Variants in ADAMTS17 observed in about 807,000 individuals in gnomAD.
The protein encoded by ADAMTS17 is A disintegrin and metalloproteinase with thrombospondin motifs 17.
Under a neutral mutation model 141.5 loss-of-function variants are expected in ADAMTS17, and 113 were observed. That is an observed-to-expected ratio of 0.80 (90% confidence interval 0.69 to 0.93). ADAMTS17 has a LOEUF of 0.93. Among genes scored for constraint, ADAMTS17 ranks in the 40% least tolerant of loss-of-function variants. The pLI, the probability that ADAMTS17 is intolerant of heterozygous loss-of-function variation, is 0.00. For synonymous variants in ADAMTS17, 768 were observed against 630.6 expected (o/e 1.22, Z -3.27); for missense variants, 1,659 against 1,517.9 (o/e 1.09, Z -1.54).
chr15:100,213,599 AAACAAAACTTG>A (rs1273991901), intron 7 of ADAMTS17, among the ~76,000 whole-genome samples: 1 of 152,360 alleles, frequency 6.6e-6, no homozygotes, highest in Non-Finnish European at 1.5e-5. Flanking sequence ...ACAACTCACC[AAACAAAACTTG>A]AAGACAAGGC....
chr15:100,226,592 ACTCT>A (rs752450961), intron 7 of ADAMTS17, among the ~76,000 whole-genome samples: 136 of 152,176 alleles, frequency 8.9e-4, no homozygotes, highest in Non-Finnish European at 1.6e-3. Context: ...AAATCCTGTA[ACTCT>A]CTCACTGCAT....
At chr15:100,262,263 T>C (rs1048080654) in intron 5 of ADAMTS17, 89 bp downstream of exon 5, 3 of 1,228,010 alleles carry the variant, frequency 2.4e-6, no homozygotes, top group African/African-American at 3.0e-5. Flanking sequence ...GGCAACTCCC[T>C]GGAGCCCCGC....
intron 18 of ADAMTS17, among the ~76,000 whole-genome samples, chr15:100,006,966 C>T (rs929896512): frequency 1.3e-5 from 2 of 152,230 alleles, no homozygotes; most frequent in African/African-American, 4.8e-5. Flanking sequence ...TCAGTCTCAG[C>T]CTCTTTGTTC....
chr15:100,088,673 A>G (rs1881144255), intron 15 of ADAMTS17, among the ~76,000 whole-genome samples: 1 of 152,120 alleles, frequency 6.6e-6, no homozygotes, highest in African/African-American at 2.4e-5. Context: ...CAGAGCCCTC[A>G]GAAATAATAC....
chr15:100,041,971 G>A (rs938628786), intron 18 of ADAMTS17, among the ~76,000 whole-genome samples: 3 of 152,170 alleles, frequency 2.0e-5, no homozygotes, highest in Non-Finnish European at 4.4e-5. Flanking sequence ...ACCTTGCCAG[G>A]TTCAACAGTG....
chr15:100,207,518 T>G (rs2041621539), intron 7 of ADAMTS17, among the ~76,000 whole-genome samples: 1 of 152,194 alleles, frequency 6.6e-6, no homozygotes, highest in African/African-American at 2.4e-5. Context: ...CACACAGCAC[T>G]GCAGCCACCT....
At chr15:100,282,563 GTC>G (rs749139182) in intron 3 of ADAMTS17, among the ~76,000 whole-genome samples, 14 of 152,300 alleles carry the variant, frequency 9.2e-5, no homozygotes, top group Non-Finnish European at 1.9e-4. Flanking sequence ...TGTGAATGAG[GTC>G]TCTCTCTCAA....
intron 18 of ADAMTS17, among the ~76,000 whole-genome samples, chr15:100,015,899 T>G (rs2141423516): frequency 6.6e-6 from 1 of 152,366 alleles, no homozygotes; most frequent in African/African-American, 2.4e-5. Context: ...CTTCTTGTAT[T>G]TGGATGTCTA....
Position 100,304,243 on chromosome 15 carries a change from TCTC to T in ADAMTS17, c.617-22845_617-22843del, listed in dbSNP as rs200594280. Reference sequence around the variant, plus strand: ...GTCACATCCTTAGGGCACAACCCCTTCTCCTCCAAGCACTGGACTCCTGGCTCC... The same window carrying T: ...GTCACATCCTTAGGGCACAACCCCTTCTCCAAGCACTGGACTCCTGGCTCC... On this transcript the variant is annotated intron_variant, in intron 3 of 21. Transcript: ENST00000268070. 8.7e-3 allele frequency among the ~76,000 whole-genome samples: 1,318 copies of T among 152,184 alleles called. 16 individuals carry two copies. Among genetic ancestry groups the T allele is most frequent in the African/African-American group, 0.03 (1,259 of 41,518 alleles).
At chr15:100,293,521 C>G (rs1203828645) in intron 3 of ADAMTS17, among the ~76,000 whole-genome samples, 1 of 152,170 alleles carries the variant, frequency 6.6e-6, no homozygotes, top group African/African-American at 2.4e-5. Flanking sequence ...AATGGCAAAA[C>G]CTCTCAGAAC....
chr15:100,158,100 G>A (rs2141387865), intron 8 of ADAMTS17, among the ~76,000 whole-genome samples: 1 of 152,254 alleles, frequency 6.6e-6, no homozygotes, highest in South Asian at 2.1e-4. Flanking sequence ...TGTTGGCCAG[G>A]ATGGTCTCAA....
rs2060742206 is a variant in ADAMTS17 at position 99,993,904 on chromosome 15, T to C, written c.2797-704A>G. On this transcript the variant is annotated intron_variant, in intron 19 of 21. Coordinates refer to ENST00000268070, the MANE Select transcript of ADAMTS17 (RefSeq NM_139057.4). The surrounding 1 kb of genome is among the most constrained non-coding windows in gnomAD (Gnocchi z 4.3). Reference sequence around the variant, plus strand: ...CTGGGCAGGGCCTGGGGGTGATGAATGATGTGCCTGCCCTCAAGAGTTCAG... The same window carrying C: ...CTGGGCAGGGCCTGGGGGTGATGAACGATGTGCCTGCCCTCAAGAGTTCAG... 6.6e-6 allele frequency among the ~76,000 whole-genome samples: 1 copy of C among 151,894 alleles called. No homozygotes were observed. Among genetic ancestry groups the C allele is most frequent in the African/African-American group, 2.4e-5 (1 of 41,342 alleles).
intron 12 of ADAMTS17, among the ~76,000 whole-genome samples, chr15:100,120,255 G>C (rs146041351): frequency 2.6e-5 from 4 of 152,342 alleles, no homozygotes; most frequent in Admixed American, 2.0e-4. Flanking sequence ...GCAGCTTCCA[G>C]GGGAAAGCCA....
intron 8 of ADAMTS17, among the ~76,000 whole-genome samples, chr15:100,181,612 G>A (rs192119800): frequency 1.3e-5 from 2 of 152,332 alleles, no homozygotes; most frequent in Admixed American, 6.5e-5. Context: ...ATTGTCATCT[G>A]GGAGATATGG....
At chr15:100,283,955 A>G (rs971840471) in intron 3 of ADAMTS17, among the ~76,000 whole-genome samples, 2 of 152,126 alleles carry the variant, frequency 1.3e-5, no homozygotes, top group Admixed American at 6.5e-5. Context: ...AAATTACAAA[A>G]ATTAGCCAGG....
intron 7 of ADAMTS17, among the ~76,000 whole-genome samples, chr15:100,226,735 A>C (rs559131461): frequency 6.6e-6 from 1 of 152,322 alleles, no homozygotes; most frequent in East Asian, 1.9e-4. Flanking sequence ...GATGCAGAGA[A>C]ACCAATGGTG....
chr15:99,977,390 ATATATATATAATTTTTT>A (rs2060379244), intron 20 of ADAMTS17, among the ~76,000 whole-genome samples: 1 of 8,494 alleles, frequency 1.2e-4, no homozygotes, highest in African/African-American at 4.8e-4. Flanking sequence ...ATATATATAT[ATATATATATAATTTTTT>A]TTTTTTTTTT....
At chr15:100,113,980 T>C (rs2036954032) in intron 13 of ADAMTS17, among the ~76,000 whole-genome samples, 1 of 152,194 alleles carries the variant, frequency 6.6e-6, no homozygotes, top group Admixed American at 6.5e-5. Flanking sequence ...TGAGATTCCA[T>C]GAGAAAAGCA....
chr15:99,993,054 C>G lies in ADAMTS17; in HGVS notation c.2943G>C (p.Trp981Cys). The change falls in exon 20 of 22, where the codon TGG (tryptophan) becomes TGC (cysteine). Residue 981 changes from tryptophan to cysteine, a missense_variant. Physicochemically the swap from Trp to Cys is radical, Grantham distance 215. Transcript: ENST00000268070. The surrounding 1 kb of genome is among the most constrained non-coding windows in gnomAD (Gnocchi z 4.3). ...SGCYEWKTGD[W>C]STCSSTCGKG... The stretch of plus-strand genomic sequence containing the variant: ...GCCAGCAGGCTGCTCTCACCGTAGA[C>G]CAGTCCCCAGTTTTCCACTCGTAGC... 1 of 1,614,158 alleles carries G rather than the reference C, an allele frequency of 6.2e-7. No individual in the cohort carries two copies. The highest frequency in any genetic ancestry group is 1.1e-5 in the South Asian group (1 of 91,082).
Sources: allele counts gnomAD v4.1 joint callset (sites outside exome capture counted in the v4.1 genomes callset), GRCh38; gene constraint gnomAD v4.1.1; non-coding constraint Gnocchi (gnomAD v3.1); transcripts MANE v1.5; gene names NCBI Gene and HGNC (gene_info 2026-07-23, HGNC 2026-07-21).